The following LOC128462377 variants were observed in gnomAD, a reference collection of about 807,000 sequenced individuals.
the LOC128462377 span, among the ~76,000 whole-genome samples, chr16:89,382,386 T>C: frequency 1.3e-5 from 2 of 151,784 alleles, no homozygotes; most frequent in Non-Finnish European, 2.9e-5. Flanking sequence ...AGGGCAATGG[T>C]GCAATCTCGG....
chr16:89,364,898 C>CAT, the LOC128462377 span, among the ~76,000 whole-genome samples: 3 of 152,216 alleles, frequency 2.0e-5, no homozygotes, highest in Admixed American at 2.0e-4. Context: ...AGGGAAAAGC[C>CAT]TCATCGAATG....
the LOC128462377 span, among the ~76,000 whole-genome samples, chr16:89,379,455 C>G: frequency 6.6e-6 from 1 of 152,342 alleles, no homozygotes; most frequent in Admixed American, 6.5e-5. Flanking sequence ...CATCCAAAAC[C>G]AGCTCATGTA....
chr16:89,410,749 C>T, the LOC128462377 span, among the ~76,000 whole-genome samples: 1 of 152,254 alleles, frequency 6.6e-6, no homozygotes, highest in Non-Finnish European at 1.5e-5. Flanking sequence ...TTACAAAGAA[C>T]CCTCGCTTCT....
chr16:89,317,201 G>A, the LOC128462377 span: 1 of 754,924 alleles, frequency 1.3e-6, no homozygotes, highest in Admixed American at 2.1e-5. Flanking sequence ...ATCAGGGCTG[G>A]GGCCCGGGCC....
the LOC128462377 span, among the ~76,000 whole-genome samples, chr16:89,413,068 G>A: frequency 3.3e-5 from 5 of 152,174 alleles, no homozygotes; most frequent in African/African-American, 4.8e-5. Context: ...AGCCTGGAGG[G>A]GGAGGGAGTA....
the LOC128462377 span, among the ~76,000 whole-genome samples, chr16:89,344,315 C>T: frequency 1.3e-5 from 2 of 152,200 alleles, no homozygotes; most frequent in African/African-American, 2.4e-5. Flanking sequence ...ATTATTTCCA[C>T]ATGGCAAACA....
chr16:89,320,989 G>A, the LOC128462377 span: 8 of 152,370 alleles, frequency 5.3e-5, no homozygotes, highest in African/African-American at 1.7e-4. Flanking sequence ...GCACTCAGGA[G>A]GTGACAGATG....
At chr16:89,332,958 C>A in the LOC128462377 span, among the ~76,000 whole-genome samples, 1 of 152,376 alleles carries the variant, frequency 6.6e-6, no homozygotes, top group African/African-American at 2.4e-5. Flanking sequence ...AACAGAACAG[C>A]GGGGCTGCTC....
At chr16:89,394,791 A>G in the LOC128462377 span, among the ~76,000 whole-genome samples, 73 of 152,226 alleles carry the variant, frequency 4.8e-4, 1 homozygote, top group South Asian at 0.015. Flanking sequence ...TCTCCATAAT[A>G]TATGGCCCCG....
chr16:89,374,824 C>T, the LOC128462377 span, among the ~76,000 whole-genome samples: 2 of 152,090 alleles, frequency 1.3e-5, no homozygotes, highest in Admixed American at 6.5e-5. Context: ...TGGCTGCACA[C>T]GGCAAGTCAC....
At chr16:89,365,958 G>A in the LOC128462377 span, among the ~76,000 whole-genome samples, 5 of 151,988 alleles carry the variant, frequency 3.3e-5, no homozygotes, top group African/African-American at 7.3e-5. Flanking sequence ...ACAACACGCA[G>A]TATTTGGTTT....
the LOC128462377 span, among the ~76,000 whole-genome samples, chr16:89,415,842 A>C: frequency 1.4e-5 from 2 of 144,978 alleles, 1 homozygote. Flanking sequence ...AAAAAAAAAA[A>C]AAAAAAAACA....
the LOC128462377 span, among the ~76,000 whole-genome samples, chr16:89,336,620 G>A: frequency 1.4e-4 from 22 of 152,286 alleles, no homozygotes; most frequent in African/African-American, 5.3e-4. Flanking sequence ...GCTTTGTAAG[G>A]ACGGAAAGCC....
the LOC128462377 span, among the ~76,000 whole-genome samples, chr16:89,353,089 A>G: frequency 6.6e-6 from 1 of 152,232 alleles, no homozygotes; most frequent in Non-Finnish European, 1.5e-5. Context: ...CCTGTAATTA[A>G]TCCCAGCACT....
the LOC128462377 span, among the ~76,000 whole-genome samples, chr16:89,359,344 T>G: frequency 6.6e-6 from 1 of 152,278 alleles, no homozygotes; most frequent in Non-Finnish European, 1.5e-5. Flanking sequence ...CAATCGCACG[T>G]ACAGCCCTTT....
chr16:89,377,631 G>A, the LOC128462377 span, among the ~76,000 whole-genome samples: 2 of 152,130 alleles, frequency 1.3e-5, no homozygotes, highest in Admixed American at 1.3e-4. Context: ...AGCAGTGACA[G>A]AAAACAAAGT....
chr16:89,370,298 G>A, the LOC128462377 span, among the ~76,000 whole-genome samples: 1 of 152,202 alleles, frequency 6.6e-6, no homozygotes, highest in Non-Finnish European at 1.5e-5. Flanking sequence ...GCAGCTCTGA[G>A]GATGAGAAGA....
the LOC128462377 span, chr16:89,323,419 G>A: frequency 3.7e-6 from 4 of 1,069,522 alleles, no homozygotes; most frequent in African/African-American, 1.8e-5. Context: ...CAGGGGGGCT[G>A]AGCCGAGGGC....
At chr16:89,356,889 A>G in the LOC128462377 span, among the ~76,000 whole-genome samples, 2 of 152,144 alleles carry the variant, frequency 1.3e-5, no homozygotes, top group Non-Finnish European at 2.9e-5. Flanking sequence ...GGCTTCTCCC[A>G]GGCCCTGTGG....
Sources: allele counts gnomAD v4.1 joint callset (sites outside exome capture counted in the v4.1 genomes callset), GRCh38; gene constraint gnomAD v4.1.1; transcripts MANE v1.5.